RABGAP1L: variants seen among roughly 807,000 people sequenced by gnomAD.
RABGAP1L encodes RAB GTPase activating protein 1 like, also known as rab GTPase-activating protein 1-like.
In RABGAP1L, 63 loss-of-function variants were observed where a neutral mutation model predicts 137.7. That is an observed-to-expected ratio of 0.46 (90% confidence interval 0.37 to 0.56). RABGAP1L has a LOEUF of 0.56. Ranked by LOEUF, RABGAP1L falls within the 20% of genes least tolerant of loss-of-function variation. RABGAP1L has a pLI of 0.00. For synonymous variants in RABGAP1L, 431 were observed against 433.7 expected, an observed-to-expected ratio of 0.99 and a Z score of 0.08; for missense variants, 1,095 against 1,244.0, an observed-to-expected ratio of 0.88 and a Z score of 1.80.
chr1:174,627,949 T>G (rs777231442), intron 13 of RABGAP1L, among the ~76,000 whole-genome samples: 52 of 152,182 alleles, frequency 3.4e-4, no homozygotes, highest in Non-Finnish European at 6.3e-4. Context: ...TTTTGTCCTT[T>G]CCATACATGA....
At chr1:174,247,529 C>T (rs985807581) in intron 5 of RABGAP1L, among the ~76,000 whole-genome samples, 26 of 152,326 alleles carry the variant, frequency 1.7e-4, no homozygotes, top group African/African-American at 6.0e-4. Flanking sequence ...AGAGCCAGGC[C>T]AGCAACCTAT....
intron 13 of RABGAP1L, among the ~76,000 whole-genome samples, chr1:174,523,500 T>G (rs1369049965): frequency 6.6e-6 from 1 of 152,204 alleles, no homozygotes; most frequent in Non-Finnish European, 1.5e-5. Context: ...AAACATTTCT[T>G]TTATTGATTC....
intron 10 of RABGAP1L, among the ~76,000 whole-genome samples, chr1:174,284,734 CTTTTTTTTTTTTT>C (rs59344382): frequency 4.5e-4 from 19 of 42,612 alleles, no homozygotes; most frequent in African/African-American, 1.7e-3. Context: ...TATTTCTTGT[CTTTTTTTTTTTTT>C]TTTTTTTTTT....
intron 13 of RABGAP1L, among the ~76,000 whole-genome samples, chr1:174,444,022 C>G (rs1654455255): frequency 6.6e-6 from 1 of 151,582 alleles, no homozygotes; most frequent in South Asian, 2.1e-4. Flanking sequence ...TTTCTCTGTT[C>G]TATTCCATTG....
intron 13 of RABGAP1L, among the ~76,000 whole-genome samples, chr1:174,635,064 TAA>T (rs201569900): frequency 6.6e-6 from 1 of 150,544 alleles, no homozygotes; most frequent in East Asian, 1.9e-4. Context: ...AATAAAAAAA[TAA>T]AAAAAGAAAA....
chr1:174,804,527 G>T (rs531704793), intron 18 of RABGAP1L, among the ~76,000 whole-genome samples: 42 of 152,012 alleles, frequency 2.8e-4, no homozygotes, highest in African/African-American at 9.7e-4. Flanking sequence ...TGCCAACGCT[G>T]GTCTAAAACT....
rs759138573 is a variant in RABGAP1L at position 174,957,778 on chromosome 1, C to T, written c.2433+229C>T. On this transcript the variant is annotated intron_variant, in intron 20 of 25. Coordinates refer to ENST00000681986, the MANE Select transcript of RABGAP1L (RefSeq NM_001366446.1). ...GCAGCAGTTGTGGCAAGTTCAATTC[C>T]CTCTGTTCTTCCTTGATTGATTTAG... 1.8e-5 allele frequency: 18 copies of T among 1,025,418 alleles called. No individual in the cohort carries two copies. The South Asian group carries it at 1.9e-4, about 11-fold the overall frequency. 63.5% of individuals were successfully genotyped at this position (1,025,418 alleles called of 1,614,324 possible). A position where few individuals can be genotyped will look rare whatever the true frequency, so the allele number is the denominator to read the frequency against.
Position 174,725,519 on chromosome 1 carries a change from A to G in RABGAP1L, c.2169+23263A>G, listed in dbSNP as rs1681907946. ...GGGAAAAGAGATTTAGTGGAATTAT[A>G]AACTGAAAGAATTCATGTATAACTT... On this transcript the variant is annotated intron_variant, in intron 17 of 25. Coordinates refer to ENST00000681986, the MANE Select transcript of RABGAP1L (RefSeq NM_001366446.1). Among the ~76,000 whole-genome samples, 3 of 152,214 alleles carry G rather than the reference A, an allele frequency of 2.0e-5. No individual in the cohort carries two copies. The South Asian group carries it at 6.2e-4, about 31-fold the overall frequency.
intron 13 of RABGAP1L, among the ~76,000 whole-genome samples, chr1:174,617,385 T>C (rs1259954583): frequency 6.6e-6 from 1 of 152,214 alleles, no homozygotes; most frequent in East Asian, 1.9e-4. Flanking sequence ...AACCAGGCTT[T>C]GTAAAACAAA....
chr1:174,502,362 C>T (rs1661357116), intron 13 of RABGAP1L, among the ~76,000 whole-genome samples: 1 of 151,488 alleles, frequency 6.6e-6, no homozygotes, highest in Non-Finnish European at 1.5e-5. Context: ...ATGAGGCACA[C>T]CCTTGAACAA....
intron 12 of RABGAP1L, among the ~76,000 whole-genome samples, chr1:174,385,630 G>T (rs777446036): frequency 6.6e-6 from 1 of 152,178 alleles, no homozygotes; most frequent in Non-Finnish European, 1.5e-5. Context: ...GGAGTTGGAC[G>T]TATGAGGAGG....
At chr1:174,453,101 G>C (rs929763812) in intron 13 of RABGAP1L, among the ~76,000 whole-genome samples, 1 of 152,214 alleles carries the variant, frequency 6.6e-6, no homozygotes, top group African/African-American at 2.4e-5. Context: ...TGAGATTAAA[G>C]ATATCCAGCA....
chr1:174,795,239 C>T (rs761157106), intron 18 of RABGAP1L, among the ~76,000 whole-genome samples: 1 of 152,014 alleles, frequency 6.6e-6, no homozygotes, highest in African/African-American at 2.4e-5. Flanking sequence ...GAGGTAAAGG[C>T]GATTAAGGAA....
At chr1:174,206,325 T>C (rs935228483) in intron 1 of RABGAP1L, among the ~76,000 whole-genome samples, 2 of 152,194 alleles carry the variant, frequency 1.3e-5, no homozygotes, top group African/African-American at 4.8e-5. Context: ...CATGCATACA[T>C]ATTGGTTTGG....
intron 3 of RABGAP1L, among the ~76,000 whole-genome samples, chr1:174,230,007 A>G (rs1670501695): frequency 6.6e-6 from 1 of 152,188 alleles, no homozygotes; most frequent in African/African-American, 2.4e-5. Flanking sequence ...CCAAATGTCC[A>G]ACAATGATAG....
intron 19 of RABGAP1L, among the ~76,000 whole-genome samples, chr1:174,936,206 G>A (rs1573905909): frequency 6.6e-6 from 1 of 151,964 alleles, no homozygotes; most frequent in East Asian, 1.9e-4. Context: ...AGCTCACGCT[G>A]GTAATCTCAC....
At chr1:174,699,780 G>T (rs774463603) in intron 16 of RABGAP1L, 130 bp downstream of exon 16, 22 of 903,216 alleles carry the variant, frequency 2.4e-5, no homozygotes, top group Non-Finnish European at 3.6e-5. Flanking sequence ...CATGGATTTA[G>T]TTTCAGACCA....
chr1:174,717,116 A>G lies in RABGAP1L; in HGVS notation c.2169+14860A>G, dbSNP rs574437815. The stretch of plus-strand genomic sequence containing the variant: ...TAAAAGATCCCTCGTTAATATTAAC[A>G]TATGAATTTTAGGCCAGGTGCAGTG... On this transcript the variant is annotated intron_variant, in intron 17 of 25. Coordinates refer to ENST00000681986, the MANE Select transcript of RABGAP1L (RefSeq NM_001366446.1). Among the ~76,000 whole-genome samples, 8 of 152,330 alleles carry G rather than the reference A, an allele frequency of 5.3e-5. 1 individual carries two copies. In the South Asian group the frequency reaches 1.4e-3, roughly 28 times the overall value.
chr1:174,987,260 G>A (rs1671671193), intron 24 of RABGAP1L, among the ~76,000 whole-genome samples: 1 of 152,034 alleles, frequency 6.6e-6, no homozygotes, highest in Admixed American at 6.6e-5. Flanking sequence ...TCCGCCTCCC[G>A]GGTTCACGCC....
Sources: allele counts gnomAD v4.1 joint callset (sites outside exome capture counted in the v4.1 genomes callset), GRCh38; gene constraint gnomAD v4.1.1; transcripts MANE v1.5; gene names NCBI Gene and HGNC (gene_info 2026-07-23, HGNC 2026-07-21).